The following MAF variants were observed in gnomAD, a reference collection of about 807,000 sequenced individuals.
The protein encoded by MAF is transcription factor Maf.
Under a neutral mutation model 22.0 loss-of-function variants are expected in MAF, and 10 were observed. The ratio of observed to expected loss-of-function variants is 0.45; its 90% CI spans 0.28 to 0.77. MAF has a LOEUF of 0.77. Among genes scored for constraint, MAF ranks in the 30% least tolerant of loss-of-function variants. The pLI is 0.12. For missense variants in MAF, 544 were observed against 548.4 expected (o/e 0.99, Z 0.08); for synonymous variants, 337 against 255.8 (o/e 1.32, Z -3.03).
the MAF span, among the ~76,000 whole-genome samples, chr16:79,383,902 T>C: frequency 6.6e-6 from 1 of 152,168 alleles, no homozygotes; most frequent in Non-Finnish European, 1.5e-5. Context: ...CTGTTTTAGA[T>C]TGCAAACTTT....
At chr16:79,346,787 C>T in the MAF span, among the ~76,000 whole-genome samples, 2 of 152,180 alleles carry the variant, frequency 1.3e-5, no homozygotes, top group Non-Finnish European at 2.9e-5. Context: ...ACGTAGAGAT[C>T]TATTTGCACA....
chr16:79,254,141 G>A, the MAF span, among the ~76,000 whole-genome samples: 29 of 152,032 alleles, frequency 1.9e-4, no homozygotes, highest in South Asian at 5.6e-3. Flanking sequence ...TTAAAAGTGT[G>A]TAGAAGCTGA....
chr16:79,211,442 C>T, the MAF span, among the ~76,000 whole-genome samples: 1 of 152,184 alleles, frequency 6.6e-6, no homozygotes, highest in Admixed American at 6.5e-5. Flanking sequence ...TCACATTATA[C>T]TTTTTACAGT....
chr16:79,558,678 T>C, the MAF span, among the ~76,000 whole-genome samples: 3 of 152,150 alleles, frequency 2.0e-5, no homozygotes, highest in African/African-American at 7.2e-5. Flanking sequence ...GCCCTGAGGA[T>C]ACACCGTTGA....
At chr16:79,387,222 G>C in the MAF span, among the ~76,000 whole-genome samples, 1 of 152,160 alleles carries the variant, frequency 6.6e-6, no homozygotes, top group Non-Finnish European at 1.5e-5. Context: ...TCCATGAAGG[G>C]GGCCTGGGTG....
chr16:79,266,080 C>T, the MAF span, among the ~76,000 whole-genome samples: 2 of 151,660 alleles, frequency 1.3e-5, no homozygotes, highest in Admixed American at 1.3e-4. Flanking sequence ...CACTGTGTTG[C>T]CTAGGCTGGT....
chr16:79,590,009 C>A (rs769062225), downstream of MAF, among the ~76,000 whole-genome samples: 1 of 152,180 alleles, frequency 6.6e-6, no homozygotes, highest in Non-Finnish European at 1.5e-5. Context: ...TCTTCGGGAC[C>A]CGCCCCCTCT....
chr16:79,392,019 G>C, the MAF span, among the ~76,000 whole-genome samples: 6 of 149,254 alleles, frequency 4.0e-5, no homozygotes, highest in African/African-American at 5.0e-5. Flanking sequence ...AGTAAGGAAA[G>C]AGAGAGAGGG....
intron 1 of MAF, among the ~76,000 whole-genome samples, chr16:79,586,194 G>T (rs1186111692): frequency 6.6e-6 from 1 of 152,186 alleles, no homozygotes; most frequent in East Asian, 1.9e-4. Flanking sequence ...CAACTGAGAG[G>T]CTGAGATAGC....
At chr16:79,578,984 G>A in the MAF span, among the ~76,000 whole-genome samples, 1 of 152,050 alleles carries the variant, frequency 6.6e-6, no homozygotes, top group African/African-American at 2.4e-5. Flanking sequence ...AGCCAGCCAG[G>A]AAAAGACATG....
chr16:79,521,744 G>A, the MAF span, among the ~76,000 whole-genome samples: 1 of 152,156 alleles, frequency 6.6e-6, no homozygotes, highest in African/African-American at 2.4e-5. Context: ...TAATACCACT[G>A]ATTTCAATAG....
the MAF span, among the ~76,000 whole-genome samples, chr16:79,499,242 C>T: frequency 6.6e-6 from 1 of 152,182 alleles, no homozygotes; most frequent in African/African-American, 2.4e-5. Flanking sequence ...AGCTGTGCTC[C>T]AACCTGCAGG....
At chr16:79,553,704 G>A in the MAF span, among the ~76,000 whole-genome samples, 1 of 152,162 alleles carries the variant, frequency 6.6e-6, no homozygotes, top group African/African-American at 2.4e-5. Flanking sequence ...TTCTTGAAAG[G>A]GCGTCTAGCA....
the MAF span, among the ~76,000 whole-genome samples, chr16:79,340,224 G>A: frequency 6.6e-6 from 1 of 151,976 alleles, no homozygotes; most frequent in African/African-American, 2.4e-5. Context: ...GTTAAGCAGA[G>A]ATAACAGGAG....
chr16:79,215,495 T>A, the MAF span, among the ~76,000 whole-genome samples: 1 of 152,168 alleles, frequency 6.6e-6, no homozygotes, highest in Non-Finnish European at 1.5e-5. Flanking sequence ...TCAGCCAAGG[T>A]GCTGTGCAAA....
chr16:79,314,302 C>G, the MAF span, among the ~76,000 whole-genome samples: 1 of 152,168 alleles, frequency 6.6e-6, no homozygotes, highest in African/African-American at 2.4e-5. Context: ...ATCACTCTCC[C>G]AAAGTCCCTC....
the MAF span, among the ~76,000 whole-genome samples, chr16:79,390,242 C>A: frequency 6.6e-6 from 1 of 151,972 alleles, no homozygotes; most frequent in African/African-American, 2.4e-5. Flanking sequence ...CTTCTCTCCC[C>A]AGTTACCCCA....
the MAF span, among the ~76,000 whole-genome samples, chr16:79,534,115 G>A: frequency 5.3e-5 from 8 of 152,306 alleles, no homozygotes; most frequent in Non-Finnish European, 1.2e-4. Flanking sequence ...CTAGGCAACT[G>A]GCCTAACATT....
chr16:79,391,872 AAGGAGGAGG>A, the MAF span, among the ~76,000 whole-genome samples: 11 of 136,878 alleles, frequency 8.0e-5, no homozygotes, highest in Non-Finnish European at 1.1e-4. Context: ...GGAGGAGGAG[AAGGAGGAGG>A]AGGAGGAGGA....
Sources: allele counts gnomAD v4.1 joint callset (sites outside exome capture counted in the v4.1 genomes callset), GRCh38; gene constraint gnomAD v4.1.1; transcripts MANE v1.5; gene names NCBI Gene and HGNC (gene_info 2026-07-23, HGNC 2026-07-21).